The following FAM110B variants were observed in gnomAD, a reference collection of about 807,000 sequenced individuals.
FAM110B encodes family with sequence similarity 110 member B.
In FAM110B, 6 loss-of-function variants were observed where a neutral mutation model predicts 20.4. The ratio of observed to expected loss-of-function variants is 0.29; its 90% CI spans 0.16 to 0.58. The LOEUF (loss-of-function observed/expected upper bound fraction) is 0.58. Ranked by LOEUF, FAM110B falls within the 20% of genes least tolerant of loss-of-function variation. The pLI is 0.90. For synonymous variants in FAM110B, 226 were observed against 214.1 expected (o/e 1.06, Z -0.49); for missense variants, 434 against 498.2 (o/e 0.87, Z 1.23).
At chr8:58,100,350 G>A (rs1407530459) in intron 3 of FAM110B, among the ~76,000 whole-genome samples, 1 of 152,142 alleles carries the variant, frequency 6.6e-6, no homozygotes, top group Non-Finnish European at 1.5e-5. Flanking sequence ...GAGAGCAAGG[G>A]TGGTGTATTT....
intron 2 of FAM110B, among the ~76,000 whole-genome samples, chr8:58,056,142 A>G (rs1805543450): frequency 6.6e-6 from 1 of 152,232 alleles, no homozygotes; most frequent in Non-Finnish European, 1.5e-5. Context: ...TGGAGTTGAG[A>G]GGTCATAAGA....
intron 3 of FAM110B, among the ~76,000 whole-genome samples, chr8:58,117,559 G>A (rs1391396763): frequency 2.0e-5 from 3 of 152,134 alleles, no homozygotes; most frequent in Non-Finnish European, 4.4e-5. Context: ...TCTAGCTAAG[G>A]TAGAGCGAGG....
At chr8:58,119,452 T>C (rs1807300574) in intron 3 of FAM110B, among the ~76,000 whole-genome samples, 1 of 152,180 alleles carries the variant, frequency 6.6e-6, no homozygotes, top group Admixed American at 6.5e-5. Context: ...GATGCCCTCA[T>C]GACCTAATCA....
chr8:58,051,631 G>T (rs560969621), intron 2 of FAM110B, among the ~76,000 whole-genome samples: 1 of 152,290 alleles, frequency 6.6e-6, no homozygotes, highest in East Asian at 1.9e-4. Flanking sequence ...TTGTCAATTT[G>T]TGTATGGGAC....
intron 3 of FAM110B, among the ~76,000 whole-genome samples, chr8:58,089,103 T>C (rs1806409620): frequency 6.6e-6 from 1 of 152,214 alleles, no homozygotes; most frequent in Admixed American, 6.5e-5. Flanking sequence ...ACATCAACTC[T>C]ATGGTCTTAA....
chr8:58,015,076 C>A (rs1028571693), intron 1 of FAM110B, among the ~76,000 whole-genome samples: 2 of 152,200 alleles, frequency 1.3e-5, no homozygotes, highest in Non-Finnish European at 2.9e-5. Context: ...AACGTTAAAG[C>A]CGGGTGCGAT....
chr8:58,126,095 A>G (rs146407994), intron 3 of FAM110B, among the ~76,000 whole-genome samples: 8 of 152,334 alleles, frequency 5.3e-5, no homozygotes, highest in African/African-American at 1.9e-4. Context: ...TTATCTCCTG[A>G]AAACCACTAA....
chr8:58,037,871 A>G lies in FAM110B; in HGVS notation c.-414+6168A>G, dbSNP rs536932349. Among the ~76,000 whole-genome samples the G allele has an allele frequency of 9.2e-5, 14 of 152,132 alleles. No individual in the cohort carries two copies. In the East Asian group the frequency reaches 2.5e-3, roughly 27 times the overall value. Reference sequence around the variant, plus strand: ...TTGTCTGGGGCCGTCATACCTGACTATCTTGATTTTCGCTTTCTCCTTCCC... The same window carrying G: ...TTGTCTGGGGCCGTCATACCTGACTGTCTTGATTTTCGCTTTCTCCTTCCC... On this transcript the variant is annotated intron_variant, in intron 2 of 3. Coordinates refer to ENST00000519262, the MANE Select transcript of FAM110B (RefSeq NM_001377989.1).
chr8:58,020,955 G>A (rs1804740277), intron 1 of FAM110B, among the ~76,000 whole-genome samples: 1 of 152,124 alleles, frequency 6.6e-6, no homozygotes, highest in Non-Finnish European at 1.5e-5. Context: ...ACCCAGAAAA[G>A]GCTACTTTCT....
Position 58,068,117 on chromosome 8 carries a change from T to A in FAM110B, c.-413-7418T>A, listed in dbSNP as rs763899446. On this transcript the variant is annotated intron_variant, in intron 2 of 3. Coordinates refer to ENST00000519262, the MANE Select transcript of FAM110B (RefSeq NM_001377989.1). ...AGGAAGGCAGAAGCTGTTAGATGTT[T>A]CCTAGAGAAATGCCTGGAAGTGTTA... Among the ~76,000 whole-genome samples, 12 of 152,242 alleles carry A rather than the reference T, an allele frequency of 7.9e-5. 1 individual carries two copies. Among genetic ancestry groups the A allele is most frequent in the Admixed American group, 2.6e-4 (4 of 15,292 alleles).
intron 2 of FAM110B, among the ~76,000 whole-genome samples, chr8:58,050,656 T>C (rs559520502): frequency 6.6e-6 from 1 of 152,310 alleles, no homozygotes; most frequent in African/African-American, 2.4e-5. Context: ...CCTGTCAGAC[T>C]TCAAATCTCT....
intron 1 of FAM110B, among the ~76,000 whole-genome samples, chr8:58,022,572 A>C (rs1804777276): frequency 6.6e-6 from 1 of 152,186 alleles, no homozygotes; most frequent in Admixed American, 6.5e-5. Flanking sequence ...ATAATATAAA[A>C]CATGATGTCT....
At chr8:57,999,139 G>A (rs1359913838) in intron 1 of FAM110B, among the ~76,000 whole-genome samples, 1 of 152,226 alleles carries the variant, frequency 6.6e-6, no homozygotes, top group Non-Finnish European at 1.5e-5. Flanking sequence ...TAGTGAACAT[G>A]TGGATGATTA....
intron 2 of FAM110B, among the ~76,000 whole-genome samples, chr8:58,070,931 A>G (rs756314922): frequency 1.6e-4 from 25 of 152,204 alleles, no homozygotes; most frequent in Non-Finnish European, 2.6e-4. Context: ...TTTTGAATAC[A>G]GAGAGGGTTA....
chr8:58,036,719 G>A (rs1354375920), intron 2 of FAM110B, among the ~76,000 whole-genome samples: 2 of 152,136 alleles, frequency 1.3e-5, no homozygotes, highest in Admixed American at 1.3e-4. Context: ...ACTTCCCAGA[G>A]GTGTGATTTG....
Position 58,062,478 on chromosome 8 carries a change from TA to T in FAM110B, c.-413-13053del, listed in dbSNP as rs576644543. On this transcript the variant is annotated intron_variant, in intron 2 of 3. Transcript: ENST00000519262. ...TTAAAAAATTGGTCTCTAGATATAATAAAACTACCTTTAAAATATACATATA... is the reference window on the plus strand; with the variant it reads ...TTAAAAAATTGGTCTCTAGATATAATAAACTACCTTTAAAATATACATATA... Among the ~76,000 whole-genome samples the T allele has an allele frequency of 2.9e-3, 449 of 152,282 alleles. 1 individual carries two copies. The highest frequency in any genetic ancestry group is 0.011 in the African/African-American group (437 of 41,544).
chr8:58,075,073 T>G (rs560338705), intron 2 of FAM110B, among the ~76,000 whole-genome samples: 2 of 152,174 alleles, frequency 1.3e-5, no homozygotes, highest in East Asian at 3.9e-4. Context: ...CTGACATGTT[T>G]GCTGTCTTTT....
At chr8:58,085,591 T>G (rs1406303875) in intron 3 of FAM110B, among the ~76,000 whole-genome samples, 1 of 152,226 alleles carries the variant, frequency 6.6e-6, no homozygotes, top group Non-Finnish European at 1.5e-5. Context: ...CAGAGAGATG[T>G]TTGTATTGAA....
intron 3 of FAM110B, among the ~76,000 whole-genome samples, chr8:58,092,834 A>G (rs1446008742): frequency 2.6e-5 from 4 of 152,164 alleles, no homozygotes; most frequent in Non-Finnish European, 5.9e-5. Context: ...TGTCTTCCAC[A>G]ATGGTTGAAC....
Sources: gnomAD v4.1 joint callset for allele counts (sites outside exome capture counted in the v4.1 genomes callset) on GRCh38, gnomAD v4.1.1 for gene constraint, MANE v1.5 for transcripts, NCBI Gene and HGNC (gene_info 2026-07-23, HGNC 2026-07-21) for gene names.